Variants in ZBTB16 observed in about 807,000 individuals in gnomAD.
ZBTB16 encodes zinc finger and BTB domain-containing protein 16.
ZBTB16 carries 8 observed loss-of-function variants against 56.8 expected under a neutral mutation model. The observed-to-expected ratio is 0.14, with a 90% confidence interval of 0.08 to 0.25. The LOEUF (loss-of-function observed/expected upper bound fraction) is 0.25. Ranked by LOEUF, ZBTB16 falls within the 10% of genes least tolerant of loss-of-function variation. The probability of loss-of-function intolerance (pLI) is 1.00; values close to 1 mark genes in which losing one functional copy is unlikely to be tolerated. For synonymous variants in ZBTB16, 363 were observed against 368.5 expected (o/e 0.98, Z 0.17); for missense variants, 625 against 903.0 (o/e 0.69, Z 3.95).
intron 2 of ZBTB16, among the ~76,000 whole-genome samples, chr11:114,082,288 CACA>C (rs564214014): frequency 1.1e-4 from 16 of 151,624 alleles, no homozygotes; most frequent in Middle Eastern, 6.8e-3. Context: ...TCTATTTCAA[CACA>C]ACAACAACAA....
intron 4 of ZBTB16, among the ~76,000 whole-genome samples, chr11:114,215,784 T>A (rs1185513223): frequency 6.6e-6 from 1 of 152,226 alleles, no homozygotes; most frequent in East Asian, 1.9e-4. Flanking sequence ...AAGTTTAATT[T>A]GAATTATTTT....
intron 2 of ZBTB16, among the ~76,000 whole-genome samples, chr11:114,075,651 A>ATATATATATATATATATATATATATATAT (rs1565611190): frequency 6.9e-6 from 1 of 144,422 alleles, no homozygotes; most frequent in African/African-American, 2.5e-5. Context: ...ATATATATTT[A>ATATATATATATATATATATATATATATAT]GTAGAGATGG....
chr11:114,244,447 C>G (rs965029630), intron 5 of ZBTB16, among the ~76,000 whole-genome samples: 12 of 152,068 alleles, frequency 7.9e-5, no homozygotes, highest in African/African-American at 2.9e-4. Flanking sequence ...TAATGTCAAG[C>G]TCATTAAAGA....
chr11:114,109,662 G>A (rs753314001), intron 2 of ZBTB16, among the ~76,000 whole-genome samples: 1 of 152,014 alleles, frequency 6.6e-6, no homozygotes, highest in African/African-American at 2.4e-5. Context: ...TGAGCAACTT[G>A]GGGGTGGGGG....
chr11:114,199,672 A>G (rs1943690233), intron 4 of ZBTB16, among the ~76,000 whole-genome samples: 1 of 152,194 alleles, frequency 6.6e-6, no homozygotes, highest in Non-Finnish European at 1.5e-5. Flanking sequence ...GGTAGTGTGT[A>G]GGAATTGGGC....
chr11:114,110,476 A>C (rs552064211), intron 2 of ZBTB16, among the ~76,000 whole-genome samples: 1 of 152,314 alleles, frequency 6.6e-6, no homozygotes, highest in Admixed American at 6.5e-5. Context: ...GTTTAGAAGA[A>C]TTTGCCGATG....
At chr11:114,176,301 C>T (rs1403980574) in intron 3 of ZBTB16, among the ~76,000 whole-genome samples, 1 of 152,144 alleles carries the variant, frequency 6.6e-6, no homozygotes, top group East Asian at 1.9e-4. Flanking sequence ...GAAACCCTTA[C>T]TCTTATATCC....
At chr11:114,202,695 AG>A (rs1172253392) in intron 4 of ZBTB16, among the ~76,000 whole-genome samples, 1 of 152,228 alleles carries the variant, frequency 6.6e-6, no homozygotes, top group African/African-American at 2.4e-5. Flanking sequence ...ATTCCTGCTT[AG>A]AGGCATAATT....
chr11:114,204,031 A>G (rs1011324699), intron 4 of ZBTB16, among the ~76,000 whole-genome samples: 13 of 152,230 alleles, frequency 8.5e-5, no homozygotes, highest in African/African-American at 2.9e-4. Context: ...CAAAAGCAAG[A>G]CACGGATGGT....
intron 2 of ZBTB16, among the ~76,000 whole-genome samples, chr11:114,088,489 C>G (rs1259315739): frequency 6.6e-6 from 1 of 152,082 alleles, no homozygotes; most frequent in Non-Finnish European, 1.5e-5. Flanking sequence ...CCTAAGAAAC[C>G]CCACGTTTTT....
At chr11:114,095,425 T>C (rs948461276) in intron 2 of ZBTB16, among the ~76,000 whole-genome samples, 3 of 151,836 alleles carry the variant, frequency 2.0e-5, no homozygotes, top group Non-Finnish European at 4.4e-5. Flanking sequence ...CACGCCCAGC[T>C]AATTTTTTGT....
At chr11:114,167,956 G>A (rs984022567) in intron 3 of ZBTB16, among the ~76,000 whole-genome samples, 1 of 152,226 alleles carries the variant, frequency 6.6e-6, no homozygotes, top group Non-Finnish European at 1.5e-5. Flanking sequence ...CTCAGCCCTA[G>A]GATGTGTCTG....
In ZBTB16 at chr11:114,251,724, G is replaced by A. The variant is rs1375035407; in HGVS notation, c.*1169G>A. ...TCGCACAGAATTCCTGACTCACAGC[G>A]CCCCTCGGTCCACAGTGGAGAGGAG... On this transcript the variant is annotated 3_prime_UTR_variant, in exon 7 of 7. Coordinates refer to ENST00000335953, the MANE Select transcript of ZBTB16 (RefSeq NM_006006.6). 1.3e-5 allele frequency among the ~76,000 whole-genome samples: 2 copies of A among 152,172 alleles called. No individual in the cohort carries two copies. The highest frequency in any genetic ancestry group is 2.9e-5 in the Non-Finnish European group (2 of 68,022).
chr11:114,199,798 T>G (rs980246832), intron 4 of ZBTB16, among the ~76,000 whole-genome samples: 3 of 152,160 alleles, frequency 2.0e-5, no homozygotes, highest in African/African-American at 7.2e-5. Flanking sequence ...AAACTACGAT[T>G]AATAATCATA....
intron 3 of ZBTB16, among the ~76,000 whole-genome samples, chr11:114,178,067 C>T (rs148029180): frequency 4.6e-5 from 7 of 152,222 alleles, no homozygotes; most frequent in East Asian, 1.9e-4. Context: ...TGGGAGCAGA[C>T]GGTAGGGGTG....
chr11:114,208,900 C>T (rs1255583256), intron 4 of ZBTB16, among the ~76,000 whole-genome samples: 3 of 152,144 alleles, frequency 2.0e-5, no homozygotes, highest in Non-Finnish European at 4.4e-5. Context: ...TTTGATTCGG[C>T]GTCATCCGAA....
chr11:114,190,930 C>T (rs551813856), intron 4 of ZBTB16, among the ~76,000 whole-genome samples: 1 of 152,302 alleles, frequency 6.6e-6, no homozygotes, highest in South Asian at 2.1e-4. Flanking sequence ...GGCATCTGCT[C>T]AGGCTCTGGG....
chr11:114,079,108 AAAAAAG>A (rs1478175261), intron 2 of ZBTB16, among the ~76,000 whole-genome samples: 5 of 145,960 alleles, frequency 3.4e-5, no homozygotes, highest in Middle Eastern at 3.6e-3. Context: ...ATTAAAAAAA[AAAAAAG>A]AAGAAGAAGA....
intron 3 of ZBTB16, among the ~76,000 whole-genome samples, chr11:114,157,885 C>G (rs908293381): frequency 6.6e-6 from 1 of 152,156 alleles, no homozygotes. Context: ...TGTGGGCCCT[C>G]CCCACCCTGC....
Sources: gnomAD v4.1 joint callset for allele counts (sites outside exome capture counted in the v4.1 genomes callset) on GRCh38, gnomAD v4.1.1 for gene constraint, MANE v1.5 for transcripts, NCBI Gene and HGNC (gene_info 2026-07-23, HGNC 2026-07-21) for gene names.